The following STXBP2 variants were observed in gnomAD, a reference collection of about 807,000 sequenced individuals.
STXBP2 encodes the protein syntaxin-binding protein 2.
STXBP2 carries 47 observed loss-of-function variants against 72.2 expected under a neutral mutation model. That is an observed-to-expected ratio of 0.65 (90% CI 0.51 to 0.83). The LOEUF is 0.83. Among genes scored for constraint, STXBP2 ranks in the 40% least tolerant of loss-of-function variants. STXBP2 has a pLI of 0.00. For synonymous variants in STXBP2, 367 were observed against 338.7 expected (o/e 1.08, Z -0.92); for missense variants, 702 against 807.6 (o/e 0.87, Z 1.58).
At chr19:7,632,192 A>T, upstream of STXBP2, 1 of 808,796 alleles carries the variant, frequency 1.2e-6, no homozygotes, top group Non-Finnish European at 1.9e-6. This position sits in a 1 kb window ranked among gnomAD's most constrained non-coding sequence, Gnocchi z 5.2. Flanking sequence ...AGTTCCAGCC[A>T]TGGGTCTTAC....
chr19:7,644,529 G>T, intron 13 of STXBP2, 85 bp from the exon 14 acceptor site: 1 of 1,581,402 alleles, frequency 6.3e-7, no homozygotes, highest in Non-Finnish European at 8.6e-7. Context: ...TCTTGCCGAG[G>T]ATCCTGGGGA....
At chr19:7,638,596 T>A in intron 1 of STXBP2, 130 bp from the exon 2 acceptor site, 1 of 957,598 alleles carries the variant, frequency 1.0e-6, no homozygotes, top group Non-Finnish European at 1.6e-6. Context: ...AGTGAGATCC[T>A]CCTCTCTTAA....
rs1168456631 is a variant in STXBP2 at position 7,642,787 on chromosome 19, G to T, written c.924G>T (p.Arg308Ser). 1.2e-6 allele frequency: 2 copies of T among 1,613,918 alleles called. No homozygotes were observed. The highest frequency in any genetic ancestry group is 1.1e-5 in the South Asian group (1 of 91,082). ...CCAGGAAGGTCACGGAGCTCCTGAG[G>T]ACCTTCTGTGAGAGCAAGAGGCTGA... ...DVSKKVTELL[R>S]TFCESKRLTT... is the part of the protein sequence containing the mutation. Residue 308 changes from arginine (R) to serine (S), a missense_variant, in exon 11 of 19, where the codon AGG becomes AGT. Coordinates refer to ENST00000221283, the MANE Select transcript of STXBP2 (RefSeq NM_006949.4). This position sits in a 1 kb window ranked among gnomAD's most constrained non-coding sequence, Gnocchi z 6.0.
intron 4 of STXBP2, 94 bp downstream of exon 4, chr19:7,639,901 TG>T: frequency 2.3e-6 from 3 of 1,304,594 alleles, no homozygotes; most frequent in Non-Finnish European, 3.3e-6. Context: ...CATGTGTGCA[TG>T]TGTATACGTG....
At chr19:7,631,842 C>T in the STXBP2 span, 5 of 1,380,772 alleles carry the variant, frequency 3.6e-6, no homozygotes, top group Admixed American at 5.6e-5. Flanking sequence ...AGGGGGAGGG[C>T]TCAAGGGCAG....
chr19:7,646,426 CT>C, intron 16 of STXBP2, 82 bp downstream of exon 16: 3 of 1,294,190 alleles, frequency 2.3e-6, no homozygotes, highest in Non-Finnish European at 3.3e-6. Flanking sequence ...GGTGCTAAGC[CT>C]CAGGGCTTAG....
chr19:7,645,027 C>T, intron 14 of STXBP2, 170 bp from the exon 15 acceptor site: 3 of 1,453,656 alleles, frequency 2.1e-6, no homozygotes, highest in South Asian at 1.4e-5. Context: ...CCCTGATCTA[C>T]CCCCTCCAGG....
Position 7,641,834 on chromosome 19 carries a change from C to A in STXBP2, c.559C>A (p.Pro187Thr), listed in dbSNP as rs762491152. ...GCTGTGCGCCACCCTGCAGGAGTAC[C>A]CGGCCATCCGCTACCGCAAGTGGGG... Reference protein sequence around the residue: ...ATLCATLQEYPAIRYRKGPED... With the variant: ...ATLCATLQEYTAIRYRKGPED... Residue 187 changes from proline to threonine, a missense_variant, in exon 7 of 19, where the codon CCG (proline) becomes ACG (threonine). Physicochemically the swap from Pro to Thr is conservative, Grantham distance 38. Transcript: ENST00000221283. The A allele has an allele frequency of 1.3e-6, 2 of 1,553,542 alleles. No individual in the cohort carries two copies. Among genetic ancestry groups the A allele is most frequent in the South Asian group, 2.4e-5 (2 of 84,402 alleles).
intron 16 of STXBP2, 124 bp from the exon 17 acceptor site, chr19:7,647,038 C>A: frequency 1.0e-6 from 1 of 963,882 alleles, no homozygotes; most frequent in South Asian, 1.4e-5. Context: ...CCCCCAGAGG[C>A]AGGAGGTGGA....
At chr19:7,640,132 ATGTG>A (rs141190969) in intron 4 of STXBP2, 14 of 531,888 alleles carry the variant, frequency 2.6e-5, no homozygotes, top group African/African-American at 1.1e-4. Flanking sequence ...GTGTGTATGT[ATGTG>A]TGTGTGCATC....
intron 4 of STXBP2, 103 bp downstream of exon 4, chr19:7,639,910 G>A (rs773769197): frequency 5.1e-5 from 65 of 1,264,518 alleles, no homozygotes; most frequent in Middle Eastern, 2.3e-4. Flanking sequence ...ATGTGTATAC[G>A]TGTGCATGTG....
intron 3 of STXBP2, 71 bp from the exon 4 acceptor site, chr19:7,639,660 C>A: frequency 6.1e-6 from 9 of 1,472,108 alleles, no homozygotes; most frequent in South Asian, 3.5e-5. Flanking sequence ...TCCAACCCCC[C>A]ACACCTGAGA....
At chr19:7,641,263 A>G in intron 6 of STXBP2, 1 of 538,026 alleles carries the variant, frequency 1.9e-6, no homozygotes, top group South Asian at 1.9e-5. Flanking sequence ...CTAGCTACTC[A>G]TGGGGCTGGG....
chr19:7,632,588 C>G (rs2031367540), upstream of STXBP2: 4 of 1,597,940 alleles, frequency 2.5e-6, no homozygotes, highest in Admixed American at 3.3e-5. This position sits in a 1 kb window ranked among gnomAD's most constrained non-coding sequence, Gnocchi z 5.2. Flanking sequence ...CCTTCACCCC[C>G]ACACAGATGC....
Position 7,638,728 on chromosome 19 carries a change from A to C in STXBP2, c.40A>C (p.Ile14Leu). The C allele has an allele frequency of 6.2e-7, 1 of 1,614,000 alleles. No individual in the cohort carries two copies. Among genetic ancestry groups the C allele is most frequent in the Non-Finnish European group, 8.5e-7 (1 of 1,179,982 alleles). ...CCCCTCCCCTCCCTTCCCTGCAGAA[A>C]TTCTGAGCGGAGTTATTCGGAGTGT... is the stretch of plus-strand genomic sequence containing the variant. ...SGLKAVVGEK[I>L]LSGVIRSVKK... The change falls in exon 2 of 19, where the codon ATT becomes CTT. Residue 14 changes from isoleucine (I) to leucine (L), a missense_variant and splice_region_variant. Transcript: ENST00000221283.
At position 7,639,950 on chromosome 19, in the gene STXBP2, ATG is replaced by A. The variant is rs113553729; in HGVS notation, c.246+152_246+153del. On this transcript the variant is annotated intron_variant, in intron 4 of 18. Coordinates refer to ENST00000221283, the MANE Select transcript of STXBP2 (RefSeq NM_006949.4). Reference sequence around the variant, plus strand: ...TGTGTATGTGTGTGCATGTGTGTGCATGTGTGTGTGCATCTGTGTATGCATGT... The same window carrying A: ...TGTGTATGTGTGTGCATGTGTGTGCATGTGTGTGCATCTGTGTATGCATGT... The A allele has an allele frequency of 1.5e-3, 1,066 of 720,266 alleles. 13 individuals carry two copies. In the African/African-American group the frequency reaches 0.015, roughly 10 times the overall value. 44.6% of individuals were successfully genotyped at this position (720,266 alleles called of 1,614,324 possible).
chr19:7,632,687 A>G, upstream of STXBP2: 1 of 1,548,040 alleles, frequency 6.5e-7, no homozygotes, highest in East Asian at 2.4e-5. This position sits in a 1 kb window ranked among gnomAD's most constrained non-coding sequence, Gnocchi z 5.2. Flanking sequence ...TTCACGCCCC[A>G]TGGACAGCAC....
At chr19:7,641,677 C>G in intron 6 of STXBP2, 28 bp from the exon 7 acceptor site, 1 of 1,550,454 alleles carries the variant, frequency 6.4e-7, no homozygotes, top group Non-Finnish European at 8.7e-7. Context: ...AGCGGCAACC[C>G]TGGTGCTTCT....
rs759183489 is a variant in STXBP2 at position 7,643,051 on chromosome 19, G to A, written c.1026+3G>A. The A allele has an allele frequency of 5.6e-6, 9 of 1,614,218 alleles. No individual in the cohort carries two copies. The Admixed American group carries it at 1.5e-4, about 27-fold the overall frequency. ...AGTACCAGAAGGAGCTGAATAAGGT[G>A]TGCTCGGGTGGGCAGGGAGCGGGGA... On this transcript the variant is annotated splice_donor_region_variant and intron_variant, in intron 12 of 18. Transcript: ENST00000221283.
Sources: allele counts gnomAD v4.1 joint callset, GRCh38; gene constraint gnomAD v4.1.1; non-coding constraint Gnocchi (gnomAD v3.1); transcripts MANE v1.5; gene names NCBI Gene and HGNC (gene_info 2026-07-23, HGNC 2026-07-21).